SPZ1: variants seen among roughly 807,000 people sequenced by gnomAD.
SPZ1 encodes spermatogenic leucine zipper 1, also known as spermatogenic leucine zipper protein 1.
For missense variants in SPZ1, 408 were observed against 486.2 expected (o/e 0.84, Z 1.51); for synonymous variants, 160 against 167.6 (o/e 0.95, Z 0.35).
Position 80,320,145 on chromosome 5 carries a change from C to T in SPZ1, c.-71C>T. 4 of 1,216,218 alleles carry T rather than the reference C, an allele frequency of 3.3e-6. No individual in the cohort carries two copies. In the East Asian group the frequency reaches 7.1e-5, roughly 22 times the overall value. The allele number at this position is 1,216,218 out of a possible 1,614,324, so 75.3% of individuals were successfully genotyped here. On this transcript the variant is annotated 5_prime_UTR_variant, in exon 1 of 1. Transcript: ENST00000296739. ...TCTGCTTGATTCCACAGTCTCCACC[C>T]ACATTTGCACAAAGGACCATCACCT...
At position 80,320,551 on chromosome 5, in the gene SPZ1, T is replaced by C. The variant is rs774945727; in HGVS notation, c.336T>C (p.Asn112=). 16 of 1,610,944 alleles carry C rather than the reference T, an allele frequency of 9.9e-6. No homozygotes were observed. The Middle Eastern group carries it at 2.5e-3, about 252-fold the overall frequency. ...AGGATGTGTCAGCCCACAAAGAAAA[T>C]ATCAGAGGACTTGACAAAATCAATG... The part of the protein sequence containing the change: ...ITEDVSAHKE[N]IRGLDKINEM... Residue 112 remains asparagine, a synonymous_variant, in exon 1 of 1, where the codon AAT becomes AAC. Transcript: ENST00000296739.
Position 80,320,710 on chromosome 5 carries a change from C to T in SPZ1, c.495C>T (p.Asp165=). 1 of 1,367,816 alleles carries T rather than the reference C, an allele frequency of 7.3e-7. No homozygotes were observed. Among genetic ancestry groups the T allele is most frequent in the Admixed American group, 1.8e-5 (1 of 55,080 alleles). The allele number at this position is 1,367,816 out of a possible 1,614,324, so 84.7% of individuals were successfully genotyped here. A position where few individuals can be genotyped will look rare whatever the true frequency, so the allele number is the denominator to read the frequency against. ...SAHKENIRGL[D]KINEMLSTNL... is the part of the protein sequence containing the mutation. ...ACAAAGAAAATATCAGAGGACTTGA[C>T]AAAATCAATGAAATGTTATCAACAA... The change falls in exon 1 of 1, where the codon GAC becomes GAT. Residue 165 remains aspartate (D), a synonymous_variant. Coordinates refer to ENST00000296739, the MANE Select transcript of SPZ1 (RefSeq NM_032567.4).
downstream of SPZ1, chr5:80,320,969 C>T: frequency 6.2e-7 from 1 of 1,613,782 alleles, no homozygotes; most frequent in Non-Finnish European, 8.5e-7. Context: ...GCAGTTACTA[C>T]AGGAAGCAGA....
chr5:80,320,399 G>T lies in SPZ1; in HGVS notation c.184G>T (p.Glu62Ter), dbSNP rs1267958525. Reference sequence around the variant, plus strand: ...AAAGAATAGCAGCCATCAAGTTACAGAACAACAGACTGCACAGAAGTTTAA... The same window carrying T: ...AAAGAATAGCAGCCATCAAGTTACATAACAACAGACTGCACAGAAGTTTAA... Residue 62 changes from glutamate to a stop codon, truncating the protein, a stop_gained, in exon 2 of 2, where the codon GAA becomes TAA. Transcript: ENST00000511881. LOFTEE classifies it low-confidence loss of function (END_TRUNC). The T allele has an allele frequency of 6.2e-7, 1 of 1,614,100 alleles. No individual in the cohort carries two copies. Among genetic ancestry groups the T allele is most frequent in the Non-Finnish European group, 8.5e-7 (1 of 1,180,038 alleles).
Position 80,320,959 on chromosome 5 carries a change from G to A in SPZ1, c.744G>A (p.Glu248=), listed in dbSNP as rs1468395982. ...CTATGAAAATTAGGAACAACATGGAGCAGTTACTACAGGAAGCAGAACACT... is the reference window on the plus strand; with the variant it reads ...CTATGAAAATTAGGAACAACATGGAACAGTTACTACAGGAAGCAGAACACT... ...EETMKIRNNM[E]QLLQEAEHWS... is the part of the protein sequence containing the mutation. The change falls in exon 1 of 1, where the codon GAG becomes GAA. Residue 248 remains glutamate (E), a synonymous_variant. Transcript: ENST00000296739. 1 of 1,613,470 alleles carries A rather than the reference G, an allele frequency of 6.2e-7. No individual in the cohort carries two copies. Among genetic ancestry groups the A allele is most frequent in the Non-Finnish European group, 8.5e-7 (1 of 1,179,910 alleles).
At position 80,320,290 on chromosome 5, in the gene SPZ1, A is replaced by C; in HGVS notation, c.75A>C (p.Gln25His). The change falls in exon 1 of 1, where the codon CAA becomes CAC. Residue 25 changes from glutamine to histidine, a missense_variant. Physicochemically the swap from Gln to His is conservative, Grantham distance 24. Transcript: ENST00000296739. Reference sequence around the variant, plus strand: ...TTAACCCTACTCCTGATCCTCATCAAGAATATCTGGACCCTAGGATTACCA... The same window carrying C: ...TTAACCCTACTCCTGATCCTCATCACGAATATCTGGACCCTAGGATTACCA... ...KTVNPTPDPH[Q>H]EYLDPRITIA... is the part of the protein sequence containing the mutation. 1 of 1,613,884 alleles carries C rather than the reference A, an allele frequency of 6.2e-7. No homozygotes were observed. The highest frequency in any genetic ancestry group is 8.5e-7 in the Non-Finnish European group (1 of 1,179,874).
Position 80,320,469 on chromosome 5 carries a change from G to A in SPZ1, c.254G>A (p.Gly85Asp), listed in dbSNP as rs751876549. The change falls in exon 1 of 1, where the codon GGT becomes GAT. Residue 85 changes from glycine to aspartate, a missense_variant. Coordinates refer to ENST00000296739, the MANE Select transcript of SPZ1 (RefSeq NM_032567.4). ...AAAGATATTCTTAAAAATATGGCAG[G>A]TTTTGAAGAGAAGATCACAGAAGCA... Reference protein sequence around the residue: ...EIKDILKNMAGFEEKITEAKE... With the variant: ...EIKDILKNMADFEEKITEAKE... The A allele has an allele frequency of 3.7e-6, 6 of 1,613,594 alleles. No homozygotes were observed. The highest frequency in any genetic ancestry group is 5.1e-6 in the Non-Finnish European group (6 of 1,179,988).
Position 80,320,198 on chromosome 5 carries a change from T to A in SPZ1, c.-18T>A. The A allele has an allele frequency of 6.3e-7, 1 of 1,577,238 alleles. No individual in the cohort carries two copies. The highest frequency in any genetic ancestry group is 8.6e-7 in the Non-Finnish European group (1 of 1,163,594). On this transcript the variant is annotated 5_prime_UTR_variant, in exon 1 of 1. Transcript: ENST00000296739. ...CCTTCCTGGAATCTCTAAAGTTTTC[T>A]GCTTTCCTTCTGTCCTGATGGCCAG...
In SPZ1 at chr5:80,320,158, A is replaced by G; in HGVS notation, c.-58A>G. The G allele has an allele frequency of 7.3e-7, 1 of 1,368,868 alleles. No homozygotes were observed. The highest frequency in any genetic ancestry group is 1.0e-6 in the Non-Finnish European group (1 of 998,526). The allele number at this position is 1,368,868 out of a possible 1,614,324, so 84.8% of individuals were successfully genotyped here. ...ACAGTCTCCACCCACATTTGCACAA[A>G]GGACCATCACCTGTCCTTCCTGGAA... On this transcript the variant is annotated 5_prime_UTR_variant, in exon 1 of 1. Transcript: ENST00000296739.
At position 80,320,910 on chromosome 5, in the gene SPZ1, A is replaced by G; in HGVS notation, c.695A>G (p.Asn232Ser). The stretch of plus-strand genomic sequence containing the variant: ...CAACAAAGTCAGGAAAAAGCAAAAA[A>G]CAGACTTAATGTTCAAGAAGAAACT... Reference protein sequence around the residue: ...ETQQSQEKAKNRLNVQEETMK... With the variant: ...ETQQSQEKAKSRLNVQEETMK... Residue 232 changes from asparagine to serine, a missense_variant, in exon 1 of 1, where the codon AAC becomes AGC. Asn to Ser is a conservative substitution (Grantham distance 46, BLOSUM62 1). Transcript: ENST00000296739. 1 of 1,609,724 alleles carries G rather than the reference A, an allele frequency of 6.2e-7. No homozygotes were observed. Among genetic ancestry groups the G allele is most frequent in the Non-Finnish European group, 8.5e-7 (1 of 1,179,156 alleles).
rs1743552152 is a variant in SPZ1 at position 80,321,388 on chromosome 5, C to T, written c.1173C>T (p.Asp391=). The part of the protein sequence containing the change: ...QAMKGTFWKK[D]RSCRSLDVCL... ...TGAAGGGTACATTTTGGAAAAAAGA[C>T]AGATCCTGTAGAAGCCTGGATGTTT... is the stretch of plus-strand genomic sequence containing the variant. The change falls in exon 1 of 1, where the codon GAC becomes GAT. Residue 391 remains aspartate, a synonymous_variant. Transcript: ENST00000296739. 1 of 1,613,708 alleles carries T rather than the reference C, an allele frequency of 6.2e-7. No individual in the cohort carries two copies. Among genetic ancestry groups the T allele is most frequent in the African/African-American group, 1.3e-5 (1 of 75,010 alleles).
In SPZ1 at chr5:80,321,834, C is replaced by A; in HGVS notation, c.*326C>A. ...AAAGATCTAAATAAAAACCAGAATA[C>A]AAGGGAAATTTTTTTTTTCTTTATT... On this transcript the variant is annotated 3_prime_UTR_variant, in exon 1 of 1. Transcript: ENST00000296739. 1 of 174,154 alleles carries A rather than the reference C, an allele frequency of 5.7e-6. No homozygotes were observed. The highest frequency in any genetic ancestry group is 6.8e-5 in the Admixed American group (1 of 14,736). The allele number at this position is 174,154 out of a possible 1,614,324, so 10.8% of individuals were successfully genotyped here.
Position 80,321,145 on chromosome 5 carries a change from G to A in SPZ1, c.930G>A (p.Leu310=). The A allele has an allele frequency of 3.1e-6, 5 of 1,613,858 alleles. No individual in the cohort carries two copies. In the South Asian group the frequency reaches 5.5e-5, roughly 18 times the overall value. Residue 310 remains leucine (L), a synonymous_variant, in exon 1 of 1, where the codon CTG becomes CTA. Transcript: ENST00000296739. The stretch of plus-strand genomic sequence containing the variant: ...AGCTGGAGGAACAGGTGAAGAAACT[G>A]AGCCATGACACCTATTCATTGCAGT... The part of the protein sequence containing the change: ...KHELEEQVKK[L]SHDTYSLQLM...
chr5:80,320,293 A>G lies in SPZ1; in HGVS notation c.78A>G (p.Glu26=), dbSNP rs375245183. Residue 26 remains glutamate (E), a synonymous_variant, in exon 1 of 1, where the codon GAA becomes GAG. Transcript: ENST00000296739. The part of the protein sequence containing the change: ...TVNPTPDPHQ[E]YLDPRITIAL... The stretch of plus-strand genomic sequence containing the variant: ...ACCCTACTCCTGATCCTCATCAAGA[A>G]TATCTGGACCCTAGGATTACCATTG... The G allele has an allele frequency of 1.7e-5, 27 of 1,613,768 alleles. No homozygotes were observed. In the African/African-American group the frequency reaches 2.9e-4, roughly 18 times the overall value.
Position 80,320,282 on chromosome 5 carries a change from C to T in SPZ1, c.67C>T (p.Pro23Ser). ...ISKTVNPTPD[P>S]HQEYLDPRIT... The stretch of plus-strand genomic sequence containing the variant: ...CAAAACCGTTAACCCTACTCCTGAT[C>T]CTCATCAAGAATATCTGGACCCTAG... Residue 23 changes from proline to serine, a missense_variant, in exon 1 of 1, where the codon CCT (proline) becomes TCT (serine). Physicochemically the swap from Pro to Ser is moderately conservative, Grantham distance 74 (BLOSUM62 -1). Transcript: ENST00000296739. The T allele has an allele frequency of 6.2e-7, 1 of 1,613,786 alleles. No individual in the cohort carries two copies. The highest frequency in any genetic ancestry group is 8.5e-7 in the Non-Finnish European group (1 of 1,179,842).
rs777082834 is a variant in SPZ1 at position 80,321,017 on chromosome 5, A to G, written c.802A>G (p.Ile268Val). The part of the protein sequence containing the change: ...SKQHTELSKL[I>V]KSYQKSQKDI... ...ACAACATACTGAGCTCAGTAAACTGATAAAATCCTATCAGAAATCTCAGAA... is the reference window on the plus strand; with the variant it reads ...ACAACATACTGAGCTCAGTAAACTGGTAAAATCCTATCAGAAATCTCAGAA... Residue 268 changes from isoleucine (I) to valine (V), a missense_variant, in exon 1 of 1, where the codon ATA (isoleucine) becomes GTA (valine). Coordinates refer to ENST00000296739, the MANE Select transcript of SPZ1 (RefSeq NM_032567.4). The G allele has an allele frequency of 1.2e-6, 2 of 1,614,182 alleles. No individual in the cohort carries two copies. The highest frequency in any genetic ancestry group is 1.7e-6 in the Non-Finnish European group (2 of 1,180,028).
At position 80,321,370 on chromosome 5, in the gene SPZ1, T is replaced by A. The variant is rs775470178; in HGVS notation, c.1155T>A (p.Gly385=). The A allele has an allele frequency of 6.2e-7, 1 of 1,613,584 alleles. No individual in the cohort carries two copies. Among genetic ancestry groups the A allele is most frequent in the East Asian group, 2.2e-5 (1 of 44,874 alleles). Residue 385 remains glycine (G), a synonymous_variant, in exon 1 of 1, where the codon GGT becomes GGA. Coordinates refer to ENST00000296739, the MANE Select transcript of SPZ1 (RefSeq NM_032567.4). ...AGCAGAACAAGCAAGCAATGAAGGG[T>A]ACATTTTGGAAAAAAGACAGATCCT... The part of the protein sequence containing the change: ...MYKQNKQAMK[G]TFWKKDRSCR...
rs1743545542 is a variant in SPZ1, at chr5:80,321,065, A to G, written c.850A>G (p.Asn284Asp). The G allele has an allele frequency of 1.2e-6, 2 of 1,613,578 alleles. No individual in the cohort carries two copies. The highest frequency in any genetic ancestry group is 1.7e-5 in the Admixed American group (1 of 59,870). Residue 284 changes from asparagine to aspartate, a missense_variant, in exon 1 of 1, where the codon AAT becomes GAT. Coordinates refer to ENST00000296739, the MANE Select transcript of SPZ1 (RefSeq NM_032567.4). ...SQKDISETLG[N>D]NGVGFQTQPN... The stretch of plus-strand genomic sequence containing the variant: ...GAAAGACATAAGTGAAACTCTTGGA[A>G]ATAATGGAGTCGGTTTCCAAACCCA...
Position 80,321,705 on chromosome 5 carries a change from G to A in SPZ1, c.*197G>A, listed in dbSNP as rs1352392582. ...GTAAGTCTGGTCTTTAATGACCATT[G>A]TGTCTACATCAAGTTCATAACTTTT... On this transcript the variant is annotated 3_prime_UTR_variant, in exon 1 of 1. Transcript: ENST00000296739. 6 of 453,452 alleles carry A rather than the reference G, an allele frequency of 1.3e-5. No homozygotes were observed. The highest frequency in any genetic ancestry group is 7.3e-5 in the East Asian group (2 of 27,554). 28.1% of individuals were successfully genotyped at this position (453,452 alleles called of 1,614,324 possible). A position where few individuals can be genotyped will look rare whatever the true frequency, so the allele number is the denominator to read the frequency against.
Sources: gnomAD v4.1 joint callset for allele counts on GRCh38, gnomAD v4.1.1 for gene constraint, MANE v1.5 for transcripts, NCBI Gene and HGNC (gene_info 2026-07-23, HGNC 2026-07-21) for gene names.